The following ATG7 variants were observed in gnomAD, a reference collection of about 807,000 sequenced individuals.
The protein encoded by ATG7 is ubiquitin-like modifier-activating enzyme ATG7.
In ATG7, 70 loss-of-function variants were observed where a neutral mutation model predicts 82.4. The ratio of observed to expected loss-of-function variants is 0.85; its 90% CI spans 0.70 to 1.04. The LOEUF (loss-of-function observed/expected upper bound fraction) is 1.04. Among genes scored for constraint, ATG7 ranks in the 50% least tolerant of loss-of-function variants. ATG7 has a pLI of 0.00. For synonymous variants in ATG7, 287 were observed against 313.0 expected, an observed-to-expected ratio of 0.92 and a Z score of 0.88; for missense variants, 792 against 864.3, an observed-to-expected ratio of 0.92 and a Z score of 1.05.
chr3:11,565,151 G>A, the ATG7 span: 12 of 931,582 alleles, frequency 1.3e-5, no homozygotes, highest in Middle Eastern at 3.0e-4. This position sits in a 1 kb window ranked among gnomAD's most constrained non-coding sequence, Gnocchi z 4.1. Context: ...TGGGCAGCAC[G>A]ATGAGGAGCC....
the ATG7 span, among the ~76,000 whole-genome samples, chr3:11,565,358 G>C: frequency 6.6e-6 from 1 of 152,134 alleles, no homozygotes; most frequent in Admixed American, 6.6e-5. The surrounding 1 kb of genome is among the most constrained non-coding windows in gnomAD (Gnocchi z 4.1). Flanking sequence ...GGTTCGATAA[G>C]GACCTGCCAT....
intron 20 of ATG7, among the ~76,000 whole-genome samples, chr3:11,511,760 C>T (rs1022449987): frequency 5.9e-5 from 9 of 152,180 alleles, no homozygotes; most frequent in South Asian, 2.1e-4. Context: ...CAGCTAAGGC[C>T]CAGCGAGAAA....
chr3:11,289,072 C>T (rs1944541979), intron 3 of ATG7, among the ~76,000 whole-genome samples: 1 of 152,170 alleles, frequency 6.6e-6, no homozygotes, highest in South Asian at 2.1e-4. Flanking sequence ...AAAATTGAAA[C>T]ACACTTACAT....
Position 11,364,649 on chromosome 3 carries a change from C to T in ATG7, c.1800-10C>T. On this transcript the variant is annotated splice_polypyrimidine_tract_variant and intron_variant, in intron 17 of 20. Coordinates refer to ENST00000693202, the MANE Select transcript of ATG7 (RefSeq NM_001349232.2). ...TTAAATGAGCAGCTCTGATTGTTTC[C>T]TGTCCTCAGGGGCTATGCCATTGCC... The T allele has an allele frequency of 1.2e-6, 2 of 1,613,976 alleles. No homozygotes were observed. Among genetic ancestry groups the T allele is most frequent in the East Asian group, 2.2e-5 (1 of 44,878 alleles).
chr3:11,570,848 C>A, the ATG7 span, among the ~76,000 whole-genome samples: 276 of 152,332 alleles, frequency 1.8e-3, no homozygotes, highest in African/African-American at 6.3e-3. Context: ...ACAACACACA[C>A]ACAGGAGTGA....
intron 20 of ATG7, among the ~76,000 whole-genome samples, chr3:11,541,328 A>G (rs2070815712): frequency 6.6e-6 from 1 of 152,140 alleles, no homozygotes; most frequent in Non-Finnish European, 1.5e-5. Context: ...TGTTGAAAAG[A>G]TTGTCCTTTC....
At chr3:11,482,945 G>A (rs2089187967) in intron 20 of ATG7, among the ~76,000 whole-genome samples, 1 of 151,450 alleles carries the variant, frequency 6.6e-6, no homozygotes, top group Non-Finnish European at 1.5e-5. Flanking sequence ...GCCCCCCCTT[G>A]AGCCCCTTAC....
At chr3:11,402,418 G>C (rs1326714741) in intron 19 of ATG7, among the ~76,000 whole-genome samples, 4 of 152,220 alleles carry the variant, frequency 2.6e-5, no homozygotes. Flanking sequence ...GGGCAATAGA[G>C]TGAGACTCCG....
At chr3:11,419,571 AAC>A (rs1460403398) in intron 19 of ATG7, among the ~76,000 whole-genome samples, 1 of 152,146 alleles carries the variant, frequency 6.6e-6, no homozygotes, top group African/African-American at 2.4e-5. Context: ...AACAAAAAAA[AAC>A]ACACTACAAA....
rs182109751 is a variant in ATG7 at position 11,492,576 on chromosome 3, C to T, written c.2080-62235C>T. Among the ~76,000 whole-genome samples the T allele has an allele frequency of 9.2e-5, 14 of 152,334 alleles. No individual in the cohort carries two copies. The East Asian group carries it at 9.6e-4, about 10-fold the overall frequency. ...TCAGTCCGTTGTGCTCAACTCCTCG[C>T]GGGAGGGAGCACGTGAATGAATAAG... On this transcript the variant is annotated intron_variant, in intron 20 of 20. Transcript: ENST00000693202.
chr3:11,340,818 G>T, intron 12 of ATG7, 83 bp downstream of exon 12: 1 of 1,266,194 alleles, frequency 7.9e-7, no homozygotes, highest in Non-Finnish European at 1.1e-6. Context: ...ACACAACATT[G>T]TGTAATTCAG....
chr3:11,374,858 C>G (rs1303222308), intron 18 of ATG7, among the ~76,000 whole-genome samples: 1 of 129,138 alleles, frequency 7.7e-6, no homozygotes. Flanking sequence ...GAGCTGAAAT[C>G]GCTCCACTAC....
chr3:11,503,155 G>A (rs979259618), intron 20 of ATG7, among the ~76,000 whole-genome samples: 3 of 152,182 alleles, frequency 2.0e-5, no homozygotes, highest in Non-Finnish European at 4.4e-5. Flanking sequence ...AAGAGCAGTT[G>A]TCGGGGGCTC....
intron 20 of ATG7, among the ~76,000 whole-genome samples, chr3:11,467,805 A>G (rs1428788264): frequency 6.6e-6 from 1 of 152,210 alleles, no homozygotes; most frequent in Non-Finnish European, 1.5e-5. Context: ...AAGACATTAT[A>G]TGTCTTATTT....
chr3:11,537,632 C>G (rs1359752179), intron 20 of ATG7, among the ~76,000 whole-genome samples: 2 of 152,210 alleles, frequency 1.3e-5, no homozygotes, highest in South Asian at 2.1e-4. Context: ...AACACGAACT[C>G]CTCAGTCAAT....
intron 20 of ATG7, among the ~76,000 whole-genome samples, chr3:11,497,379 A>G (rs887300320): frequency 3.3e-5 from 4 of 121,660 alleles, no homozygotes; most frequent in African/African-American, 1.2e-4. Context: ...ATATATATAT[A>G]TATATATATA....
intron 18 of ATG7, among the ~76,000 whole-genome samples, chr3:11,368,249 A>AG (rs1170047949): frequency 5.3e-5 from 8 of 150,986 alleles, no homozygotes; most frequent in African/African-American, 1.9e-4. Context: ...AAAAAAAAAA[A>AG]AAAGAAGAAG....
intron 19 of ATG7, among the ~76,000 whole-genome samples, chr3:11,423,836 C>T (rs1394453904): frequency 3.9e-5 from 6 of 152,140 alleles, no homozygotes; most frequent in Non-Finnish European, 7.3e-5. Context: ...CTGACCTTAA[C>T]CTTTTGATCC....
At chr3:11,571,138 G>A in the ATG7 span, among the ~76,000 whole-genome samples, 13 of 152,258 alleles carry the variant, frequency 8.5e-5, no homozygotes, top group African/African-American at 2.2e-4. Flanking sequence ...ACCGGCATTC[G>A]GACTGTCCCA....
Sources: allele counts gnomAD v4.1 joint callset (sites outside exome capture counted in the v4.1 genomes callset), GRCh38; gene constraint gnomAD v4.1.1; non-coding constraint Gnocchi (gnomAD v3.1); transcripts MANE v1.5; gene names NCBI Gene and HGNC (gene_info 2026-07-23, HGNC 2026-07-21).